FYN: variants seen among roughly 807,000 people sequenced by gnomAD.
FYN encodes the protein tyrosine-protein kinase Fyn.
A neutral mutation model predicts 70.2 loss-of-function variants in FYN; 10 were observed. That is an observed-to-expected ratio of 0.14 (90% CI 0.09 to 0.24). The LOEUF is 0.24. FYN is among the 10% of genes least tolerant of loss of function. The pLI is 1.00. For synonymous variants in FYN, 236 were observed against 248.6 expected, an observed-to-expected ratio of 0.95 and a Z score of 0.48; for missense variants, 319 against 673.1, an observed-to-expected ratio of 0.47 and a Z score of 5.82.
At chr6:111,843,709 A>G (rs1461472585) in intron 2 of FYN, among the ~76,000 whole-genome samples, 2 of 152,166 alleles carry the variant, frequency 1.3e-5, no homozygotes, top group African/African-American at 4.8e-5. Flanking sequence ...TCAATTTTTT[A>G]AGAGGGCCTA....
chr6:111,789,887 T>C (rs944826790), intron 2 of FYN, among the ~76,000 whole-genome samples: 1 of 152,160 alleles, frequency 6.6e-6, no homozygotes, highest in Non-Finnish European at 1.5e-5. Context: ...TCCCTCCAAG[T>C]AGACATTCTG....
chr6:111,843,713 G>C (rs11969883), intron 2 of FYN, among the ~76,000 whole-genome samples: 4,503 of 152,142 alleles, frequency 0.03, 217 homozygotes, highest in African/African-American at 0.1. Flanking sequence ...TTTTTTAAGA[G>C]GGCCTACTAT....
At chr6:111,699,503 C>T (rs1799734023) in intron 9 of FYN, 1 of 1,609,298 alleles carries the variant, frequency 6.2e-7, no homozygotes, top group African/African-American at 1.3e-5. Context: ...CAAAATGTGC[C>T]CTCTGCCTTA....
At chr6:111,777,699 G>C (rs528714431) in intron 3 of FYN, among the ~76,000 whole-genome samples, 9 of 152,252 alleles carry the variant, frequency 5.9e-5, no homozygotes, top group African/African-American at 2.2e-4. Context: ...ATCATTCCTT[G>C]GCATGGCCAG....
At chr6:111,852,859 T>C (rs1773721235) in intron 1 of FYN, among the ~76,000 whole-genome samples, 1 of 152,208 alleles carries the variant, frequency 6.6e-6, no homozygotes, top group South Asian at 2.1e-4. Flanking sequence ...TTAGTTGCCA[T>C]GGAAACGATG....
intron 1 of FYN, among the ~76,000 whole-genome samples, chr6:111,872,351 G>A (rs1317494695): frequency 2.0e-5 from 3 of 150,848 alleles, no homozygotes; most frequent in Non-Finnish European, 4.4e-5. Context: ...GCAGAGGGGT[G>A]GGGGACAGAG....
intron 2 of FYN, among the ~76,000 whole-genome samples, chr6:111,838,949 T>C (rs2114447838): frequency 6.6e-6 from 1 of 152,336 alleles, no homozygotes; most frequent in South Asian, 2.1e-4. Flanking sequence ...CGATTCTGAC[T>C]TCAGACCGGG....
chr6:111,709,887 ACTGGT>A (rs1217314075), intron 5 of FYN, among the ~76,000 whole-genome samples: 1 of 152,204 alleles, frequency 6.6e-6, no homozygotes, highest in East Asian at 1.9e-4. Flanking sequence ...AACAGTTTGT[ACTGGT>A]CTCATTTCTA....
intron 2 of FYN, among the ~76,000 whole-genome samples, chr6:111,843,091 A>G (rs1773413864): frequency 6.6e-6 from 1 of 152,220 alleles, no homozygotes; most frequent in Non-Finnish European, 1.5e-5. Flanking sequence ...TAAACCCTGC[A>G]AACAGTTGGA....
intron 2 of FYN, among the ~76,000 whole-genome samples, chr6:111,838,623 C>T (rs899493153): frequency 1.3e-4 from 20 of 152,170 alleles, no homozygotes; most frequent in African/African-American, 4.8e-4. Context: ...ACAAATAATT[C>T]ACAGTTGAAA....
intron 3 of FYN, among the ~76,000 whole-genome samples, chr6:111,756,272 T>C (rs1163278011): frequency 6.6e-6 from 1 of 152,060 alleles, no homozygotes; most frequent in East Asian, 1.9e-4. Flanking sequence ...AAATTCAAAT[T>C]ATTATTCTAA....
chr6:111,812,310 A>C (rs928052605), intron 2 of FYN, among the ~76,000 whole-genome samples: 1 of 152,196 alleles, frequency 6.6e-6, no homozygotes, highest in African/African-American at 2.4e-5. Context: ...TGTAGCAGAA[A>C]TGCCCATGGC....
chr6:111,841,579 A>G (rs1374802321), intron 2 of FYN, among the ~76,000 whole-genome samples: 2 of 152,240 alleles, frequency 1.3e-5, no homozygotes, highest in African/African-American at 4.8e-5. Flanking sequence ...ATAAGATAAC[A>G]TGTGGCCTAA....
intron 3 of FYN, among the ~76,000 whole-genome samples, chr6:111,773,904 T>C (rs922502685): frequency 5.9e-5 from 9 of 152,186 alleles, no homozygotes; most frequent in African/African-American, 2.2e-4. Flanking sequence ...AACTAAACTT[T>C]AAACAAAACT....
At chr6:111,806,940 G>A (rs1250584768) in intron 2 of FYN, among the ~76,000 whole-genome samples, 4 of 152,142 alleles carry the variant, frequency 2.6e-5, no homozygotes, top group Non-Finnish European at 5.9e-5. Context: ...CTGGGTCCAC[G>A]CAGGATTTGA....
intron 8 of FYN, among the ~76,000 whole-genome samples, chr6:111,701,888 T>C (rs1184514386): frequency 1.3e-5 from 2 of 152,220 alleles, no homozygotes; most frequent in Non-Finnish European, 1.5e-5. Flanking sequence ...TATTGTTCAT[T>C]AGTGCAAGGG....
intron 2 of FYN, among the ~76,000 whole-genome samples, chr6:111,830,351 C>T (rs1423009922): frequency 6.6e-6 from 1 of 152,154 alleles, no homozygotes; most frequent in Non-Finnish European, 1.5e-5. Context: ...GGAGAGCCAG[C>T]TCCCACAGTG....
chr6:111,661,583 T>C lies in FYN; in HGVS notation c.*156A>G, dbSNP rs1483722646. 5 of 665,474 alleles carry C rather than the reference T, an allele frequency of 7.5e-6. No homozygotes were observed. The highest frequency in any genetic ancestry group is 1.3e-5 in the Non-Finnish European group (5 of 384,818). 41.2% of individuals were successfully genotyped at this position (665,474 alleles called of 1,614,324 possible). On this transcript the variant is annotated 3_prime_UTR_variant, in exon 14 of 14. Coordinates refer to ENST00000354650, the MANE Select transcript of FYN (RefSeq NM_002037.5). This position sits in a 1 kb window ranked among gnomAD's most constrained non-coding sequence, Gnocchi z 4.0. ...GGTTCGGATTTGGGGACAAGTGTCA[T>C]TAATGAGGGCCATGGAAGTTCGTCA...
At chr6:111,809,306 G>A (rs1459771535) in intron 2 of FYN, among the ~76,000 whole-genome samples, 1 of 152,182 alleles carries the variant, frequency 6.6e-6, no homozygotes, top group Non-Finnish European at 1.5e-5. Context: ...AAAGTTCTCA[G>A]GAGGCATCGC....
Sources: allele counts gnomAD v4.1 joint callset (sites outside exome capture counted in the v4.1 genomes callset), GRCh38; gene constraint gnomAD v4.1.1; non-coding constraint Gnocchi (gnomAD v3.1); transcripts MANE v1.5; gene names NCBI Gene and HGNC (gene_info 2026-07-23, HGNC 2026-07-21).